The following HHIPL1 variants were observed in gnomAD, a reference collection of about 807,000 sequenced individuals.
HHIPL1 encodes HHIP like 1, also known as HHIP-like protein 1.
HHIPL1 carries 43 observed loss-of-function variants against 61.8 expected under a neutral mutation model. The observed-to-expected ratio is 0.70, with a 90% CI of 0.55 to 0.90. HHIPL1 has a LOEUF of 0.90. Ranked by LOEUF, HHIPL1 falls within the 40% of genes least tolerant of loss-of-function variation. HHIPL1 has a pLI of 0.00. For synonymous variants in HHIPL1, 482 were observed against 515.8 expected, an observed-to-expected ratio of 0.93 and a Z score of 0.89; for missense variants, 1,056 against 1,157.7, an observed-to-expected ratio of 0.91 and a Z score of 1.28.
the HHIPL1 span, among the ~76,000 whole-genome samples, chr14:99,622,928 A>G: frequency 8.5e-5 from 13 of 152,364 alleles, no homozygotes; most frequent in African/African-American, 3.1e-4. Flanking sequence ...CATCCCTGTC[A>G]TCAATTTCAG....
rs562641067 is a variant in HHIPL1 at position 99,645,673 on chromosome 14, C to T, written c.255+211C>T. 7.2e-5 allele frequency among the ~76,000 whole-genome samples: 11 copies of T among 152,324 alleles called. No individual in the cohort carries two copies. In the South Asian group the frequency reaches 2.3e-3, roughly 32 times the overall value. ...CATTCATTAGTTTTGTGACTTGGGC[C>T]TTCTCGGGGCCTCAGTTTCCCCTCC... On this transcript the variant is annotated intron_variant, in intron 1 of 8. Coordinates refer to ENST00000330710, the MANE Select transcript of HHIPL1 (RefSeq NM_001127258.3).
intron 8 of HHIPL1, among the ~76,000 whole-genome samples, chr14:99,673,705 T>TGGTGCACTGAGGGGGGC (rs1186101841): frequency 1.5e-4 from 1 of 6,822 alleles, no homozygotes; most frequent in Non-Finnish European, 2.6e-4. Flanking sequence ...CTGAGGGGGG[T>TGGTGCACTGAGGGGGGC]GCACCTGGAG....
chr14:99,674,485 C>T (rs2056363462), intron 8 of HHIPL1, among the ~76,000 whole-genome samples: 1 of 152,126 alleles, frequency 6.6e-6, no homozygotes, highest in Non-Finnish European at 1.5e-5. Flanking sequence ...ATCGTACCCG[C>T]TGTGACAACC....
At chr14:99,650,272 G>T (rs192734840) in intron 1 of HHIPL1, among the ~76,000 whole-genome samples, 76 of 152,324 alleles carry the variant, frequency 5.0e-4, no homozygotes, top group Non-Finnish European at 8.5e-4. Flanking sequence ...CTGGAACCCA[G>T]CCTGGTCCTC....
At chr14:99,645,945 G>T (rs149405115) in intron 1 of HHIPL1, among the ~76,000 whole-genome samples, 4,271 of 152,308 alleles carry the variant, frequency 0.028, 67 homozygotes, top group Middle Eastern at 0.044. Flanking sequence ...TTTGTTGAGG[G>T]GGTTGGGGCC....
intron 2 of HHIPL1, 31 bp downstream of exon 2, chr14:99,652,901 G>C (rs3825570): frequency 1.9e-6 from 3 of 1,596,978 alleles, no homozygotes; most frequent in Non-Finnish European, 8.5e-7. Flanking sequence ...GGGCCTGGGT[G>C]GGGGCAGGCA....
chr14:99,630,347 C>T, the HHIPL1 span, among the ~76,000 whole-genome samples: 4 of 152,214 alleles, frequency 2.6e-5, no homozygotes, highest in African/African-American at 4.8e-5. Context: ...CGCGTTTCAT[C>T]ATCTGACTCC....
At chr14:99,663,332 T>G (rs1159140051) in intron 6 of HHIPL1, among the ~76,000 whole-genome samples, 5 of 152,196 alleles carry the variant, frequency 3.3e-5, no homozygotes, top group Non-Finnish European at 7.4e-5. Flanking sequence ...GGCTGCTGGT[T>G]GCCCACTTTT....
At chr14:99,642,382 G>A (rs1271020999), upstream of HHIPL1, among the ~76,000 whole-genome samples, 5 of 151,978 alleles carry the variant, frequency 3.3e-5, no homozygotes, top group East Asian at 7.7e-4. Flanking sequence ...TGTAACTTCT[G>A]TTTTTCTCTT....
intron 1 of HHIPL1, among the ~76,000 whole-genome samples, chr14:99,649,772 G>A (rs2055896771): frequency 6.6e-6 from 1 of 152,234 alleles, no homozygotes; most frequent in South Asian, 2.1e-4. Flanking sequence ...CTCTAGCCTG[G>A]ATGACAGAGA....
the HHIPL1 span, among the ~76,000 whole-genome samples, chr14:99,627,195 CCCATCCATCCAT>C: frequency 0.022 from 3,269 of 147,536 alleles, 51 homozygotes; most frequent in Admixed American, 0.036. This position sits in a 1 kb window ranked among gnomAD's most constrained non-coding sequence, Gnocchi z 4.4. Flanking sequence ...CTTCTATCTT[CCCATCCATCCAT>C]CCATCCATCC....
chr14:99,630,508 A>G, the HHIPL1 span, among the ~76,000 whole-genome samples: 13 of 152,244 alleles, frequency 8.5e-5, no homozygotes, highest in African/African-American at 3.1e-4. Context: ...TTTCTCATCT[A>G]TAAGATGGGG....
At chr14:99,674,062 C>T (rs1480584420) in intron 8 of HHIPL1, among the ~76,000 whole-genome samples, 1 of 151,830 alleles carries the variant, frequency 6.6e-6, no homozygotes, top group Non-Finnish European at 1.5e-5. Context: ...ACAGGGAGCG[C>T]CTTGCCCATG....
chr14:99,645,224 C>A lies in HHIPL1; in HGVS notation c.17C>A (p.Ala6Asp), dbSNP rs959978280. MARARAGALLALWVLG... is the reference protein window; with the variant it reads MARARDGALLALWVLG... ...GGCGTAGCGATGGCCCGGGCCAGGG[C>A]CGGGGCGCTGCTGGCGCTTTGGGTG... Residue 6 changes from alanine (A) to aspartate (D), a missense_variant, in exon 1 of 9, where the codon GCC becomes GAC. Ala to Asp is a moderately radical substitution (Grantham distance 126). Coordinates refer to ENST00000330710, the MANE Select transcript of HHIPL1 (RefSeq NM_001127258.3). 3.5e-5 allele frequency: 46 copies of A among 1,323,176 alleles called. No individual in the cohort carries two copies. The highest frequency in any genetic ancestry group is 4.1e-5 in the Non-Finnish European group (43 of 1,039,048). The allele number at this position is 1,323,176 out of a possible 1,614,324, so 82.0% of individuals were successfully genotyped here. A position where few individuals can be genotyped will look rare whatever the true frequency, so the allele number is the denominator to read the frequency against.
At chr14:99,646,832 G>C (rs7493058) in intron 1 of HHIPL1, among the ~76,000 whole-genome samples, 39 of 115,010 alleles carry the variant, frequency 3.4e-4, no homozygotes, top group Admixed American at 3.1e-3. Flanking sequence ...GATATGATAT[G>C]ATATAATATA....
the HHIPL1 span, among the ~76,000 whole-genome samples, chr14:99,614,845 G>GT: frequency 2.0e-5 from 3 of 152,022 alleles, no homozygotes; most frequent in Non-Finnish European, 4.4e-5. Flanking sequence ...TTTTTGTCCC[G>GT]TATCTAATGG....
intron 1 of HHIPL1, among the ~76,000 whole-genome samples, chr14:99,646,802 G>A (rs377106960): frequency 1.9e-4 from 18 of 92,950 alleles, no homozygotes; most frequent in South Asian, 1.4e-3. Flanking sequence ...AATATGATAT[G>A]ATATGATATG....
At chr14:99,663,670 C>T (rs1331322780) in intron 6 of HHIPL1, among the ~76,000 whole-genome samples, 1 of 152,166 alleles carries the variant, frequency 6.6e-6, no homozygotes, top group East Asian at 1.9e-4. Context: ...GATGGAGTTG[C>T]TCTGGTTCAC....
In HHIPL1 at chr14:99,645,409, G is replaced by A; in HGVS notation, c.202G>A (p.Asp68Asn). 2 of 1,405,578 alleles carry A rather than the reference G, an allele frequency of 1.4e-6. No individual in the cohort carries two copies. Among genetic ancestry groups the A allele is most frequent in the Non-Finnish European group, 1.8e-6 (2 of 1,082,820 alleles). The allele number at this position is 1,405,578 out of a possible 1,614,324, so 87.1% of individuals were successfully genotyped here. Residue 68 changes from aspartate (D) to asparagine (N), a missense_variant, in exon 1 of 9, where the codon GAC (aspartate) becomes AAC (asparagine). Asp to Asn is a conservative substitution (Grantham distance 23). Transcript: ENST00000330710. ...CTTCTGGGCCCTGGCGAGCCGCGTG[G>A]ACGCCGCCGAGTGGGCCGCGTGCGC... is the stretch of plus-strand genomic sequence containing the variant. ...RRFWALASRV[D>N]AAEWAACAGY...
Sources: gnomAD v4.1 joint callset for allele counts (sites outside exome capture counted in the v4.1 genomes callset) on GRCh38, gnomAD v4.1.1 for gene constraint, Gnocchi (gnomAD v3.1) non-coding constraint, MANE v1.5 for transcripts, NCBI Gene and HGNC (gene_info 2026-07-23, HGNC 2026-07-21) for gene names.